Variants in PAPPA observed in about 807,000 individuals in gnomAD.
PAPPA encodes pappalysin 1.
A neutral mutation model predicts 164.0 loss-of-function variants in PAPPA; 60 were observed. That is an observed-to-expected ratio of 0.37 (90% CI 0.30 to 0.45). The LOEUF (loss-of-function observed/expected upper bound fraction) is 0.45. Among genes scored for constraint, PAPPA ranks in the 20% least tolerant of loss-of-function variants. The pLI is 1.00. For synonymous variants in PAPPA, 875 were observed against 814.1 expected, an observed-to-expected ratio of 1.07 and a Z score of -1.27; for missense variants, 1,782 against 2,087.3, an observed-to-expected ratio of 0.85 and a Z score of 2.85.
At chr9:116,260,942 A>G (rs1382555001) in intron 7 of PAPPA, among the ~76,000 whole-genome samples, 7 of 152,206 alleles carry the variant, frequency 4.6e-5, no homozygotes. Flanking sequence ...TTTGATTTCT[A>G]TTCTGCTGTA....
At chr9:116,206,660 T>C (rs1314772492) in intron 2 of PAPPA, among the ~76,000 whole-genome samples, 1 of 152,082 alleles carries the variant, frequency 6.6e-6, no homozygotes, top group African/African-American at 2.4e-5. Context: ...TATTATGTAA[T>C]AGAAAGAGGA....
intron 10 of PAPPA, among the ~76,000 whole-genome samples, chr9:116,312,288 C>CTTT (rs5900201): frequency 2.1e-4 from 27 of 129,614 alleles, no homozygotes; most frequent in African/African-American, 3.4e-4. Flanking sequence ...TTCTTTCTTT[C>CTTT]TTTTTTTTTT....
At chr9:116,198,428 T>C (rs566511274) in intron 2 of PAPPA, among the ~76,000 whole-genome samples, 1 of 152,238 alleles carries the variant, frequency 6.6e-6, no homozygotes, top group South Asian at 2.1e-4. Flanking sequence ...AGTTTGTGCA[T>C]GAGTGTGTGT....
At chr9:116,238,822 C>T (rs1844704002) in intron 7 of PAPPA, among the ~76,000 whole-genome samples, 1 of 152,128 alleles carries the variant, frequency 6.6e-6, no homozygotes, top group African/African-American at 2.4e-5. Flanking sequence ...AAAAGAGAAA[C>T]ACATCCTTCC....
rs549472982 is a variant in PAPPA, at chr9:116,257,396, C to A, written c.2733-8461C>A. 9.9e-5 allele frequency among the ~76,000 whole-genome samples: 15 copies of A among 152,034 alleles called. No homozygotes were observed. In the South Asian group the frequency reaches 3.1e-3, roughly 32 times the overall value. On this transcript the variant is annotated intron_variant, in intron 7 of 21. Coordinates refer to ENST00000328252, the MANE Select transcript of PAPPA (RefSeq NM_002581.5). The stretch of plus-strand genomic sequence containing the variant: ...GCCATTGGTCTCCTACCTAGCGCAG[C>A]TGGACAAAAAATAAAAACAAAAGGC...
At chr9:116,376,338 G>A (rs891014647) in intron 19 of PAPPA, among the ~76,000 whole-genome samples, 1 of 152,038 alleles carries the variant, frequency 6.6e-6, no homozygotes, top group Admixed American at 6.5e-5. Context: ...GAATTTTTAT[G>A]GTAACTGTAT....
At chr9:116,261,848 C>A (rs956940755) in intron 7 of PAPPA, among the ~76,000 whole-genome samples, 1 of 151,642 alleles carries the variant, frequency 6.6e-6, no homozygotes, top group Admixed American at 6.6e-5. Context: ...ATGCCATTTG[C>A]GATATGTGTT....
Position 116,401,502 on chromosome 9 carries a change from T to C in PAPPA, c.*4886T>C, listed in dbSNP as rs1847054371. 6.6e-6 allele frequency: 1 copy of C among 151,852 alleles called. No homozygotes were observed. The allele number at this position is 151,852 out of a possible 1,614,324, so 9.4% of individuals were successfully genotyped here. On this transcript the variant is annotated 3_prime_UTR_variant, in exon 22 of 22. Coordinates refer to ENST00000328252, the MANE Select transcript of PAPPA (RefSeq NM_002581.5). ...TTGGGTCTCTATAATCAATAACCTG[T>C]CTGCAGATATCTATCTATATAAAGA...
chr9:116,305,789 C>A (rs1342641929), intron 10 of PAPPA, among the ~76,000 whole-genome samples: 1 of 152,120 alleles, frequency 6.6e-6, no homozygotes, highest in Admixed American at 6.5e-5. Context: ...AACATGAGGT[C>A]ACATTCAAAA....
intron 14 of PAPPA, among the ~76,000 whole-genome samples, chr9:116,345,917 G>A (rs1846201778): frequency 6.6e-6 from 1 of 152,190 alleles, no homozygotes; most frequent in South Asian, 2.1e-4. Flanking sequence ...GGGCTGGTCA[G>A]TGGACTTTGC....
chr9:116,228,630 T>A (rs1290228394), intron 6 of PAPPA, among the ~76,000 whole-genome samples: 2 of 152,170 alleles, frequency 1.3e-5, no homozygotes, highest in Non-Finnish European at 1.5e-5. Flanking sequence ...TTGGGAAGTC[T>A]AAACAAATCC....
chr9:116,324,076 A>G (rs180847109), intron 10 of PAPPA, among the ~76,000 whole-genome samples: 210 of 152,318 alleles, frequency 1.4e-3, no homozygotes, highest in African/African-American at 4.8e-3. Flanking sequence ...TCCCAAGTCC[A>G]TCTTCCATGT....
intron 7 of PAPPA, among the ~76,000 whole-genome samples, chr9:116,243,875 G>T (rs144188279): frequency 1.8e-4 from 28 of 152,208 alleles, no homozygotes; most frequent in Admixed American, 3.9e-4. Context: ...TCCCACGCCT[G>T]CCCAGCATGG....
chr9:116,161,993 C>A (rs1465104586), intron 1 of PAPPA, among the ~76,000 whole-genome samples: 1 of 152,112 alleles, frequency 6.6e-6, no homozygotes, highest in East Asian at 1.9e-4. Context: ...CAAGGTCGCA[C>A]AAAGATTAGC....
rs544069463 is a variant in PAPPA, at chr9:116,339,564, T to G, written c.3611+4490T>G. Among the ~76,000 whole-genome samples the G allele has an allele frequency of 3.3e-5, 5 of 152,358 alleles. No individual in the cohort carries two copies. In the East Asian group the frequency reaches 9.6e-4, roughly 29 times the overall value. On this transcript the variant is annotated intron_variant, in intron 13 of 21. Transcript: ENST00000328252. ...GTAGCTCTTTCACTGTTTCACTTCCTAAGTGAACTTGCAGAATTGATGCCA... is the reference window on the plus strand; with the variant it reads ...GTAGCTCTTTCACTGTTTCACTTCCGAAGTGAACTTGCAGAATTGATGCCA...
Position 116,367,707 on chromosome 9 carries a change from G to C in PAPPA, c.4558G>C (p.Val1520Leu), listed in dbSNP as rs770571982. 1 of 1,614,030 alleles carries C rather than the reference G, an allele frequency of 6.2e-7. No individual in the cohort carries two copies. The highest frequency in any genetic ancestry group is 1.1e-5 in the South Asian group (1 of 91,044). ...CGAGTCCATCATCCTGCCAATGAAC[G>C]TGACCGTGCGTGACATCCCCCACTG... is the stretch of plus-strand genomic sequence containing the variant. ...NSESIILPMN[V>L]TVRDIPHWLN... Residue 1520 changes from valine (V) to leucine (L), a missense_variant, in exon 19 of 22, where the codon GTG (valine) becomes CTG (leucine). Val to Leu is a conservative substitution (Grantham distance 32, BLOSUM62 1). Coordinates refer to ENST00000328252, the MANE Select transcript of PAPPA (RefSeq NM_002581.5).
intron 13 of PAPPA, among the ~76,000 whole-genome samples, chr9:116,337,013 C>G (rs565350987): frequency 6.6e-6 from 1 of 152,178 alleles, no homozygotes. Flanking sequence ...ACCTCTTCTG[C>G]GAGGTATGGC....
Position 116,401,854 on chromosome 9 carries a change from G to GAAAAGAA in PAPPA, c.*5242_*5243insGAAAAAA, listed in dbSNP as rs1847061812. On this transcript the variant is annotated 3_prime_UTR_variant, in exon 22 of 22. Coordinates refer to ENST00000328252, the MANE Select transcript of PAPPA (RefSeq NM_002581.5). ...AATTCTTCTGGCCTATTGTAAAAAAGAAAAAAAAAAAGAAAAAGAAGAAAG... is the reference window on the plus strand; with the variant it reads ...AATTCTTCTGGCCTATTGTAAAAAAGAAAAGAAAAAAAAAAAAAGAAAAAGAAGAAAG... The GAAAAGAA allele has an allele frequency of 7.2e-6, 1 of 139,320 alleles. No individual in the cohort carries two copies. The highest frequency in any genetic ancestry group is 7.1e-5 in the Admixed American group (1 of 14,060). The allele number at this position is 139,320 out of a possible 1,614,324, so 8.6% of individuals were successfully genotyped here.
At chr9:116,374,295 A>AAAT (rs1363506301) in intron 19 of PAPPA, among the ~76,000 whole-genome samples, 3 of 152,162 alleles carry the variant, frequency 2.0e-5, no homozygotes, top group African/African-American at 7.2e-5. Flanking sequence ...CCAAGGCAGG[A>AAAT]AATGAAAGCC....
Sources: allele counts gnomAD v4.1 joint callset (sites outside exome capture counted in the v4.1 genomes callset), GRCh38; gene constraint gnomAD v4.1.1; transcripts MANE v1.5; gene names NCBI Gene and HGNC (gene_info 2026-07-23, HGNC 2026-07-21).